Variants in PIK3C2G observed in about 807,000 individuals in gnomAD.
The protein encoded by PIK3C2G is phosphatidylinositol-4-phosphate 3-kinase catalytic subunit type 2 gamma.
A neutral mutation model predicts 181.1 loss-of-function variants in PIK3C2G; 168 were observed. The ratio of observed to expected loss-of-function variants is 0.93; its 90% CI spans 0.82 to 1.05. The LOEUF (loss-of-function observed/expected upper bound fraction) is 1.05. Ranked by LOEUF, PIK3C2G falls within the 50% of genes least tolerant of loss-of-function variation. The pLI is 0.00. For synonymous variants in PIK3C2G, 573 were observed against 592.2 expected, an observed-to-expected ratio of 0.97 and a Z score of 0.47; for missense variants, 1,869 against 1,732.8, an observed-to-expected ratio of 1.08 and a Z score of -1.40.
chr12:18,725,002 A>G, the PIK3C2G span, among the ~76,000 whole-genome samples: 1 of 152,174 alleles, frequency 6.6e-6, no homozygotes, highest in Admixed American at 6.6e-5. Context: ...TTCTTCTAAA[A>G]GGTCAAAGTT....
intron 24 of PIK3C2G, among the ~76,000 whole-genome samples, chr12:18,517,877 A>G (rs1055351935): frequency 6.6e-6 from 1 of 152,160 alleles, no homozygotes; most frequent in African/African-American, 2.4e-5. Context: ...TCTGTCATAA[A>G]TAGCTCTTAT....
At chr12:18,356,490 T>C (rs1236810965) in intron 11 of PIK3C2G, among the ~76,000 whole-genome samples, 2 of 152,130 alleles carry the variant, frequency 1.3e-5, no homozygotes, top group African/African-American at 4.8e-5. Flanking sequence ...AGGACATGTG[T>C]TACAGTACAC....
At chr12:18,490,357 C>T (rs1242524783) in intron 19 of PIK3C2G, among the ~76,000 whole-genome samples, 2 of 152,052 alleles carry the variant, frequency 1.3e-5, no homozygotes, top group South Asian at 2.1e-4. Context: ...AATATGATAT[C>T]CTTGTCTTCT....
chr12:18,670,713 C>T, the PIK3C2G span, among the ~76,000 whole-genome samples: 3 of 152,082 alleles, frequency 2.0e-5, no homozygotes, highest in Middle Eastern at 3.2e-3. Context: ...AAGTGGCAGG[C>T]ACAGCTCTTC....
chr12:18,430,138 C>A (rs7306445), intron 18 of PIK3C2G, among the ~76,000 whole-genome samples: 18,122 of 152,186 alleles, frequency 0.12, 1,121 homozygotes, highest in African/African-American at 0.13. Flanking sequence ...TTCTAGAGAA[C>A]CTGACCTACA....
intron 31 of PIK3C2G, among the ~76,000 whole-genome samples, chr12:18,639,203 G>T (rs1949737010): frequency 1.3e-5 from 2 of 151,870 alleles, no homozygotes; most frequent in Non-Finnish European, 2.9e-5. Context: ...ACTGTCTAAT[G>T]ATATAATTTT....
the PIK3C2G span, among the ~76,000 whole-genome samples, chr12:18,719,221 T>G: frequency 6.6e-6 from 1 of 152,140 alleles, no homozygotes; most frequent in Admixed American, 6.6e-5. Context: ...AAGGAAAGCA[T>G]ATGATACTAA....
intron 18 of PIK3C2G, among the ~76,000 whole-genome samples, chr12:18,481,547 C>T (rs1481356972): frequency 6.6e-6 from 1 of 152,154 alleles, no homozygotes; most frequent in African/African-American, 2.4e-5. Flanking sequence ...CTGACCATAA[C>T]TGTTAAGGAT....
At chr12:18,450,758 T>C (rs1393068327) in intron 18 of PIK3C2G, among the ~76,000 whole-genome samples, 1 of 152,154 alleles carries the variant, frequency 6.6e-6, no homozygotes, top group African/African-American at 2.4e-5. Flanking sequence ...TTGTATAAGG[T>C]GTAAGGAAGG....
At chr12:18,331,674 A>ACTTACTG (rs1021040552) in intron 8 of PIK3C2G, among the ~76,000 whole-genome samples, 35 of 152,170 alleles carry the variant, frequency 2.3e-4, no homozygotes, top group Admixed American at 1.9e-3. Flanking sequence ...ATAATTTAAC[A>ACTTACTG]CTTACTGAGT....
chr12:18,420,844 G>A, intron 16 of PIK3C2G, 97 bp from the exon 17 acceptor site: 1 of 684,584 alleles, frequency 1.5e-6, no homozygotes, highest in Non-Finnish European at 2.7e-6. Context: ...TTTACCTTAT[G>A]CACTGGGGGT....
the PIK3C2G span, among the ~76,000 whole-genome samples, chr12:18,656,640 G>GT: frequency 6.6e-6 from 1 of 152,064 alleles, no homozygotes; most frequent in African/African-American, 2.4e-5. Flanking sequence ...GGAAGCTCAG[G>GT]TGGAAGGATT....
chr12:18,324,089 G>A (rs949618960), intron 7 of PIK3C2G, among the ~76,000 whole-genome samples: 17 of 151,852 alleles, frequency 1.1e-4, no homozygotes, highest in African/African-American at 4.1e-4. Context: ...GCGTGGTGGC[G>A]GGCGCCTGTA....
intron 18 of PIK3C2G, among the ~76,000 whole-genome samples, chr12:18,434,877 C>A (rs368372490): frequency 2.5e-4 from 38 of 152,228 alleles, no homozygotes; most frequent in African/African-American, 8.9e-4. Context: ...GCTAACTACT[C>A]CAGTAAGAAT....
At chr12:18,463,094 T>C (rs1238234115) in intron 18 of PIK3C2G, among the ~76,000 whole-genome samples, 2 of 152,192 alleles carry the variant, frequency 1.3e-5, no homozygotes, top group African/African-American at 4.8e-5. Context: ...TTATCTCCAT[T>C]GTTAATAGTC....
intron 15 of PIK3C2G, among the ~76,000 whole-genome samples, chr12:18,392,871 T>C (rs4764397): frequency 0.13 from 19,467 of 152,080 alleles, 1,275 homozygotes; most frequent in African/African-American, 0.16. Context: ...TATAAAAAGT[T>C]GCCTTAAGAA....
At chr12:18,621,773 T>C (rs74342331) in intron 31 of PIK3C2G, among the ~76,000 whole-genome samples, 1 of 151,820 alleles carries the variant, frequency 6.6e-6, no homozygotes, top group Non-Finnish European at 1.5e-5. Flanking sequence ...CTATTTATCA[T>C]AAGATTCTTG....
chr12:18,511,701 T>A lies in PIK3C2G; in HGVS notation c.3323+6240T>A, dbSNP rs1942218252. On this transcript the variant is annotated intron_variant, in intron 24 of 32. Transcript: ENST00000538779. ...GCTATTAAGTTATTTGAGTTTCTTA[T>A]ATATTTTGGATACTAACCCATTATC... 2.0e-5 allele frequency among the ~76,000 whole-genome samples: 3 copies of A among 152,116 alleles called. No homozygotes were observed. In the South Asian group the frequency reaches 6.2e-4, roughly 31 times the overall value.
chr12:18,306,089 G>T (rs1185314792), intron 5 of PIK3C2G, among the ~76,000 whole-genome samples: 2 of 151,914 alleles, frequency 1.3e-5, no homozygotes, highest in East Asian at 1.9e-4. Flanking sequence ...TTTGCAGAAT[G>T]TTCCATTTTT....
Sources: gnomAD v4.1 joint callset for allele counts (sites outside exome capture counted in the v4.1 genomes callset) on GRCh38, gnomAD v4.1.1 for gene constraint, MANE v1.5 for transcripts, NCBI Gene and HGNC (gene_info 2026-07-23, HGNC 2026-07-21) for gene names.